Variants in ZNF233 observed in about 807,000 individuals in gnomAD.
ZNF233 encodes zinc finger protein 233.
A neutral mutation model predicts 11.6 loss-of-function variants in ZNF233; 7 were observed. That is an observed-to-expected ratio of 0.60 (90% CI 0.34 to 1.13). The LOEUF (loss-of-function observed/expected upper bound fraction) is 1.13, where lower values mean the gene tolerates loss of function less well. Ranked by LOEUF, ZNF233 falls within the 50% of genes most tolerant of loss-of-function variation. The pLI is 0.03. For missense variants in ZNF233, 711 were observed against 785.5 expected, an observed-to-expected ratio of 0.91 and a Z score of 1.13; for synonymous variants, 226 against 268.5, an observed-to-expected ratio of 0.84 and a Z score of 1.55.
At chr19:44,260,053 G>A (rs1023135236) in intron 1 of ZNF233, 115 bp downstream of exon 1, 2 of 366,072 alleles carry the variant, frequency 5.5e-6, no homozygotes, top group Admixed American at 3.1e-5. Context: ...CGGGGACGAC[G>A]GTTTGCTTGC....
At chr19:44,260,445 TGCAGC>T (rs2123031409) in intron 1 of ZNF233, among the ~76,000 whole-genome samples, 1 of 151,370 alleles carries the variant, frequency 6.6e-6, no homozygotes, top group East Asian at 1.9e-4. Flanking sequence ...GAGCTCCAGG[TGCAGC>T]GCTACTCGCC....
chr19:44,272,865 C>T, intron 4 of ZNF233, 34 bp from the exon 5 acceptor site: 1 of 1,413,518 alleles, frequency 7.1e-7, no homozygotes, highest in Non-Finnish European at 9.5e-7. Flanking sequence ...CAGTTGTCTT[C>T]ATTTTCATTT....
In ZNF233 at chr19:44,259,897, C is replaced by G. The variant is rs948975935; in HGVS notation, c.-89C>G. ...GCCGTTGCAACCTTGTGTACTTCCG[C>G]TGCAGGAGGGCGAAGCAGCCGTCAT... On this transcript the variant is annotated 5_prime_UTR_variant, in exon 1 of 5. Coordinates refer to ENST00000683810, the MANE Select transcript of ZNF233 (RefSeq NM_001207005.2). 2.2e-6 allele frequency: 1 copy of G among 456,152 alleles called. No individual in the cohort carries two copies. The highest frequency in any genetic ancestry group is 4.4e-6 in the Non-Finnish European group (1 of 226,748). 28.3% of individuals were successfully genotyped at this position (456,152 alleles called of 1,614,324 possible).
chr19:44,274,288 A>G lies in ZNF233; in HGVS notation c.1628A>G (p.Lys543Arg). ...EKPYKCETCG[K>R]GFSQSSHLQD... ...CCATACAAATGTGAGACATGTGGGA[A>G]GGGCTTTAGTCAGAGTTCGCATCTC... is the stretch of plus-strand genomic sequence containing the variant. The change falls in exon 5 of 5, where the codon AAG becomes AGG. Residue 543 changes from lysine to arginine, a missense_variant. Physicochemically the swap from Lys to Arg is conservative, Grantham distance 26. Coordinates refer to ENST00000683810, the MANE Select transcript of ZNF233 (RefSeq NM_001207005.2). The G allele has an allele frequency of 6.2e-7, 1 of 1,613,380 alleles. No individual in the cohort carries two copies. The highest frequency in any genetic ancestry group is 8.5e-7 in the Non-Finnish European group (1 of 1,179,428).
chr19:44,265,804 C>T (rs773455813), intron 2 of ZNF233, among the ~76,000 whole-genome samples: 8 of 152,170 alleles, frequency 5.3e-5, no homozygotes, highest in African/African-American at 1.7e-4. Flanking sequence ...CTACTATAAA[C>T]GTGCATGTAC....
intron 4 of ZNF233, chr19:44,267,263 T>C (rs918788984): frequency 2.5e-5 from 10 of 405,994 alleles, no homozygotes; most frequent in African/African-American, 2.0e-4. Context: ...ACCCACTCCC[T>C]GTGAATTGAT....
rs1975357765 is a variant in ZNF233 at position 44,275,089 on chromosome 19, T to G, written c.*416T>G. 1 of 402,648 alleles carries G rather than the reference T, an allele frequency of 2.5e-6. No homozygotes were observed. The highest frequency in any genetic ancestry group is 4.4e-6 in the Non-Finnish European group (1 of 228,354). 24.9% of individuals were successfully genotyped at this position (402,648 alleles called of 1,614,324 possible). A position where few individuals can be genotyped will look rare whatever the true frequency, so the allele number is the denominator to read the frequency against. ...GAATCTAAGCTCCATGCAGGAACAT[T>G]GTTTACTGCTGCATGATCGTGACCT... On this transcript the variant is annotated 3_prime_UTR_variant, in exon 5 of 5. Transcript: ENST00000683810.
At chr19:44,267,136 C>G in intron 4 of ZNF233, 175 bp downstream of exon 4, 2 of 506,622 alleles carry the variant, frequency 3.9e-6, no homozygotes, top group Admixed American at 3.3e-5. Flanking sequence ...CTCCACATAG[C>G]CAGATCATGT....
At chr19:44,269,712 T>C (rs1448641122) in intron 4 of ZNF233, among the ~76,000 whole-genome samples, 1 of 152,214 alleles carries the variant, frequency 6.6e-6, no homozygotes, top group Non-Finnish European at 1.5e-5. Context: ...TGGCTTGTTT[T>C]ACAGCTCTTT....
At chr19:44,270,954 C>T (rs1975222463) in intron 4 of ZNF233, among the ~76,000 whole-genome samples, 1 of 152,232 alleles carries the variant, frequency 6.6e-6, no homozygotes, top group East Asian at 1.9e-4. Flanking sequence ...TGGGAGGGGG[C>T]TTCAAAAGGG....
intron 4 of ZNF233, among the ~76,000 whole-genome samples, chr19:44,271,228 G>C (rs1975229118): frequency 6.6e-6 from 1 of 152,106 alleles, no homozygotes; most frequent in African/African-American, 2.4e-5. Flanking sequence ...CTAAATTAAG[G>C]AAATAATGGT....
intron 4 of ZNF233, among the ~76,000 whole-genome samples, chr19:44,269,884 T>G (rs1460143683): frequency 1.3e-5 from 2 of 152,168 alleles, no homozygotes; most frequent in African/African-American, 4.8e-5. Context: ...CATCAGAATT[T>G]TTTAGGGTTT....
In ZNF233 at chr19:44,273,228, G is replaced by T; in HGVS notation, c.568G>T (p.Glu190Ter). The change falls in exon 5 of 5, where the codon GAA becomes TAA. Residue 190 changes from glutamate to a stop codon, truncating the protein, a stop_gained. Coordinates refer to ENST00000683810, the MANE Select transcript of ZNF233 (RefSeq NM_001207005.2). LOFTEE classifies it low-confidence loss of function (END_TRUNC). ...TTTCTGGAGGAAAATGTATCTGAGA[G>T]AACCACAGAATTATCAGAGTAGGTG... ...WDFWRKMYLR[E>*]PQNYQSRCQQ... 6.2e-7 allele frequency: 1 copy of T among 1,613,716 alleles called. No homozygotes were observed. Among genetic ancestry groups the T allele is most frequent in the East Asian group, 2.2e-5 (1 of 44,868 alleles).
chr19:44,272,936 A>C lies in ZNF233; in HGVS notation c.276A>C (p.Glu92Asp), dbSNP rs150300064. The change falls in exon 5 of 5, where the codon GAA becomes GAC. Residue 92 changes from glutamate to aspartate, a missense_variant. Glu to Asp is a conservative substitution (Grantham distance 45, BLOSUM62 2). Coordinates refer to ENST00000683810, the MANE Select transcript of ZNF233 (RefSeq NM_001207005.2). Reference protein sequence around the residue: ...KNQNEIDTLQEVRLRFLSYED... With the variant: ...KNQNEIDTLQDVRLRFLSYED... ...AAAATGAGATAGATACCCTTCAAGA[A>C]GTAAGATTAAGATTCCTTTCATATG... The C allele has an allele frequency of 2.2e-5, 36 of 1,603,230 alleles. No homozygotes were observed. The African/African-American group carries it at 2.7e-4, about 12-fold the overall frequency.
chr19:44,264,301 T>C lies in ZNF233; in HGVS notation c.-47-13T>C. ...TAGGGCCTGTTTCTCATGGCTTCTT[T>C]CTCTTTTCCCAGTTCTGCCTTCCCA... On this transcript the variant is annotated splice_polypyrimidine_tract_variant and intron_variant, in intron 1 of 4. Coordinates refer to ENST00000683810, the MANE Select transcript of ZNF233 (RefSeq NM_001207005.2). The C allele has an allele frequency of 6.3e-7, 1 of 1,579,742 alleles. No individual in the cohort carries two copies. Among genetic ancestry groups the C allele is most frequent in the South Asian group, 1.1e-5 (1 of 90,132 alleles).
At position 44,274,348 on chromosome 19, in the gene ZNF233, C is replaced by T. The variant is rs1369892045; in HGVS notation, c.1688C>T (p.Pro563Leu). The T allele has an allele frequency of 6.2e-7, 1 of 1,613,910 alleles. No individual in the cohort carries two copies. The highest frequency in any genetic ancestry group is 1.1e-5 in the South Asian group (1 of 91,064). The part of the protein sequence containing the change: ...DHQQVHTGEN[P>L]YKCDVCGKGF... ...CAGCAAGTCCATACTGGAGAGAATC[C>T]CTACAAATGTGATGTGTGTGGGAAA... Residue 563 changes from proline to leucine, a missense_variant, in exon 5 of 5, where the codon CCC becomes CTC. Coordinates refer to ENST00000683810, the MANE Select transcript of ZNF233 (RefSeq NM_001207005.2).
Position 44,266,344 on chromosome 19 carries a change from G to A in ZNF233, c.142+20G>A. On this transcript the variant is annotated intron_variant, in intron 3 of 4. Coordinates refer to ENST00000683810, the MANE Select transcript of ZNF233 (RefSeq NM_001207005.2). Reference sequence around the variant, plus strand: ...CAGTGGGTGAGCACAGGCACCTTCTGTAACTGAATATCAGCCCTCTGGACT... The same window carrying A: ...CAGTGGGTGAGCACAGGCACCTTCTATAACTGAATATCAGCCCTCTGGACT... The A allele has an allele frequency of 1.3e-6, 2 of 1,575,666 alleles. No individual in the cohort carries two copies. Among genetic ancestry groups the A allele is most frequent in the Non-Finnish European group, 1.7e-6 (2 of 1,160,792 alleles).
chr19:44,269,217 A>G (rs1301102957), intron 4 of ZNF233, among the ~76,000 whole-genome samples: 4 of 145,528 alleles, frequency 2.7e-5, no homozygotes, highest in Admixed American at 1.4e-4. Context: ...AGTTATTGCC[A>G]TTGTCCTTTT....
chr19:44,272,280 A>G (rs923690838), intron 4 of ZNF233, among the ~76,000 whole-genome samples: 1 of 150,374 alleles, frequency 6.7e-6, no homozygotes, highest in Admixed American at 6.6e-5. Flanking sequence ...TATAAAATCT[A>G]CAAAATCCTG....
Sources: gnomAD v4.1 joint callset for allele counts (sites outside exome capture counted in the v4.1 genomes callset) on GRCh38, gnomAD v4.1.1 for gene constraint, MANE v1.5 for transcripts, NCBI Gene and HGNC (gene_info 2026-07-23, HGNC 2026-07-21) for gene names.